The following D2HGDH variants were observed in gnomAD, a reference collection of about 807,000 sequenced individuals.
D2HGDH encodes D-2-hydroxyglutarate dehydrogenase.
D2HGDH carries 31 observed loss-of-function variants against 46.9 expected under a neutral mutation model. That is an observed-to-expected ratio of 0.66 (90% CI 0.50 to 0.89). The LOEUF is 0.89. Ranked by LOEUF, D2HGDH falls within the 40% of genes least tolerant of loss-of-function variation. The probability of loss-of-function intolerance (pLI) is 0.00; values close to 1 mark genes in which losing one functional copy is unlikely to be tolerated. For missense variants in D2HGDH, 698 were observed against 720.8 expected (o/e 0.97, Z 0.36); for synonymous variants, 364 against 332.6 (o/e 1.09, Z -1.03).
rs1699268723 is a variant in D2HGDH, at chr2:241,767,722, T to C, written c.1319T>C (p.Leu440Pro). ...CTTGTCCCTCCAGGAGATGGTAACC[T>C]GCACCTCAATGTGACGGCGGAGGCC... is the stretch of plus-strand genomic sequence containing the variant. ...VGYGHLGDGN[L>P]HLNVTAEAFS... Residue 440 changes from leucine (L) to proline (P), a missense_variant, in exon 10 of 10, where the codon CTG (leucine) becomes CCG (proline). Leu to Pro is a moderately conservative substitution (Grantham distance 98). Transcript: ENST00000321264. 6.2e-7 allele frequency: 1 copy of C among 1,612,688 alleles called. No homozygotes were observed. The highest frequency in any genetic ancestry group is 8.5e-7 in the Non-Finnish European group (1 of 1,179,542).
rs1695025750 is a variant in D2HGDH, at chr2:241,743,359, G to A, written c.491-263G>A. Among the ~76,000 whole-genome samples, 1 of 152,244 alleles carries A rather than the reference G, an allele frequency of 6.6e-6. No individual in the cohort carries two copies. Among genetic ancestry groups the A allele is most frequent in the Admixed American group, 6.5e-5 (1 of 15,294 alleles). ...TTCCCTCTTCTACTCCTTTCCACGA[G>A]TGTGTGTGGGGGTGGGAAGTTTTTT... On this transcript the variant is annotated intron_variant, in intron 4 of 9. Coordinates refer to ENST00000321264, the MANE Select transcript of D2HGDH (RefSeq NM_152783.5). This position sits in a 1 kb window ranked among gnomAD's most constrained non-coding sequence, Gnocchi z 4.8.
chr2:241,735,171 C>G lies in D2HGDH; in HGVS notation c.-54C>G, dbSNP rs540450225. 1.2e-5 allele frequency: 17 copies of G among 1,454,532 alleles called. No individual in the cohort carries two copies. The South Asian group carries it at 2.1e-4, about 18-fold the overall frequency. 90.1% of individuals were successfully genotyped at this position (1,454,532 alleles called of 1,614,324 possible). A position where few individuals can be genotyped will look rare whatever the true frequency, so the allele number is the denominator to read the frequency against. On this transcript the variant is annotated 5_prime_UTR_variant, in exon 2 of 10. Transcript: ENST00000321264. ...GGCTCCCTGCCCTTCCCCTCCGGGC[C>G]CTGAGTACCGGCCCCCCACCAAGGA...
intron 7 of D2HGDH, among the ~76,000 whole-genome samples, 176 bp from the exon 8 acceptor site, chr2:241,751,070 T>C (rs1419919328): frequency 6.6e-6 from 1 of 152,198 alleles, no homozygotes; most frequent in Non-Finnish European, 1.5e-5. Context: ...AGACGACTTT[T>C]TAAACCTTCT....
chr2:241,760,807 A>C (rs1347821784), intron 9 of D2HGDH, among the ~76,000 whole-genome samples: 2 of 152,284 alleles, frequency 1.3e-5, no homozygotes, highest in African/African-American at 2.4e-5. Flanking sequence ...TCCTGCTGGG[A>C]TCTCCAGCCT....
At chr2:241,747,577 A>AT (rs1696213951) in intron 6 of D2HGDH, among the ~76,000 whole-genome samples, 2 of 119,480 alleles carry the variant, frequency 1.7e-5, no homozygotes, top group Non-Finnish European at 3.5e-5. Context: ...ATTCTTCTGT[A>AT]TTTTTTTGAG....
Position 241,743,720 on chromosome 2 carries a change from A to G in D2HGDH, c.589A>G (p.Ser197Gly). Reference protein sequence around the residue: ...IMPLDLGAKGSCHIGGNVATN... With the variant: ...IMPLDLGAKGGCHIGGNVATN... ...GCCGCTGGACTTAGGAGCCAAGGGC[A>G]GCTGCCACATCGGGGGAAACGTGGC... The change falls in exon 5 of 10, where the codon AGC becomes GGC. Residue 197 changes from serine to glycine, a missense_variant. Physicochemically the swap from Ser to Gly is moderately conservative, Grantham distance 56. Coordinates refer to ENST00000321264, the MANE Select transcript of D2HGDH (RefSeq NM_152783.5). The surrounding 1 kb of genome is among the most constrained non-coding windows in gnomAD (Gnocchi z 4.8). The G allele has an allele frequency of 1.2e-6, 2 of 1,613,356 alleles. No homozygotes were observed. The highest frequency in any genetic ancestry group is 1.7e-6 in the Non-Finnish European group (2 of 1,179,884).
intron 9 of D2HGDH, among the ~76,000 whole-genome samples, chr2:241,762,437 T>C (rs1698914164): frequency 6.6e-6 from 1 of 152,212 alleles, no homozygotes; most frequent in South Asian, 2.1e-4. Flanking sequence ...TCACTCTGGT[T>C]TGGCCGGGAG....
In D2HGDH at chr2:241,751,275, T is replaced by G; in HGVS notation, c.1027T>G (p.Ser343Ala). Residue 343 changes from serine to alanine, a missense_variant, in exon 8 of 10, where the codon TCA (serine) becomes GCA (alanine). Transcript: ENST00000321264. ...TCCGTTTTACGTCCTCATCGAGACT[T>G]CAGGCTCCAACGCAGGCCATGACGC... ...ESPFYVLIETSGSNAGHDAEK... is the reference protein window; with the variant it reads ...ESPFYVLIETAGSNAGHDAEK... 6.2e-7 allele frequency: 1 copy of G among 1,614,016 alleles called. No homozygotes were observed. The highest frequency in any genetic ancestry group is 8.5e-7 in the Non-Finnish European group (1 of 1,180,036).
At chr2:241,764,912 G>A (rs780444069) in intron 9 of D2HGDH, among the ~76,000 whole-genome samples, 3 of 152,164 alleles carry the variant, frequency 2.0e-5, no homozygotes, top group Non-Finnish European at 4.4e-5. Context: ...CTGAGCCGTC[G>A]CCTTCTTGAC....
Position 241,743,732 on chromosome 2 carries a change from G to A in D2HGDH, c.601G>A (p.Gly201Arg), listed in dbSNP as rs772738615. Residue 201 changes from glycine to arginine, a missense_variant, in exon 5 of 10, where the codon GGG becomes AGG. Transcript: ENST00000321264. The surrounding 1 kb of genome is among the most constrained non-coding windows in gnomAD (Gnocchi z 4.8). Reference sequence around the variant, plus strand: ...AGGAGCCAAGGGCAGCTGCCACATCGGGGGAAACGTGGCAACCAACGCTGG... The same window carrying A: ...AGGAGCCAAGGGCAGCTGCCACATCAGGGGAAACGTGGCAACCAACGCTGG... ...DLGAKGSCHI[G>R]GNVATNAGGL... 12 of 1,613,358 alleles carry A rather than the reference G, an allele frequency of 7.4e-6. No individual in the cohort carries two copies. Among genetic ancestry groups the A allele is most frequent in the Admixed American group, 3.3e-5 (2 of 59,916 alleles).
At chr2:241,758,769 ATGTGTGTGTGTGTGTGTGTGTGTGTG>A (rs558559121) in intron 9 of D2HGDH, among the ~76,000 whole-genome samples, 2 of 131,896 alleles carry the variant, frequency 1.5e-5, no homozygotes, top group African/African-American at 5.8e-5. Context: ...CCCACAATAT[ATGTGTGTGTGTGTGTGTGTGTGTGTG>A]TGTGTGTGTG....
rs761738669 is a variant in D2HGDH at position 241,756,020 on chromosome 2, C to T, written c.1306+6C>T. The stretch of plus-strand genomic sequence containing the variant: ...GGTGGGCTATGGCCACCTTGGTGAG[C>T]GGCGCCCCGGGGCCGCGGCCCTGTG... On this transcript the variant is annotated splice_donor_region_variant and intron_variant, in intron 9 of 9. Transcript: ENST00000321264. 3.5e-5 allele frequency: 55 copies of T among 1,593,326 alleles called. No homozygotes were observed. The highest frequency in any genetic ancestry group is 1.7e-4 in the Middle Eastern group (1 of 5,998).
intron 2 of D2HGDH, among the ~76,000 whole-genome samples, 174 bp downstream of exon 2, chr2:241,735,690 C>T (rs1692580954): frequency 6.6e-6 from 1 of 152,248 alleles, no homozygotes; most frequent in African/African-American, 2.4e-5. Context: ...ACGAACGAGT[C>T]GCTTAGAACA....
intron 3 of D2HGDH, among the ~76,000 whole-genome samples, chr2:241,741,443 C>T (rs183513020): frequency 2.3e-4 from 35 of 152,210 alleles, no homozygotes; most frequent in Admixed American, 2.0e-3. Flanking sequence ...TGCACTTACT[C>T]TGTTAAACTC....
chr2:241,755,227 C>T, intron 8 of D2HGDH: 3 of 1,116,204 alleles, frequency 2.7e-6, no homozygotes, highest in Non-Finnish European at 3.6e-6. Context: ...CCCACCGTGT[C>T]CTTCCCTCCC....
At position 241,737,417 on chromosome 2, in the gene D2HGDH, A is replaced by G. The variant is rs191585697; in HGVS notation, c.292+1901A>G. ...ACTGCACTTCTGCCCAGTGGCATACAAGTCTGTGCACGAATGAGGGACTTC... is the reference window on the plus strand; with the variant it reads ...ACTGCACTTCTGCCCAGTGGCATACGAGTCTGTGCACGAATGAGGGACTTC... On this transcript the variant is annotated intron_variant, in intron 2 of 9. Coordinates refer to ENST00000321264, the MANE Select transcript of D2HGDH (RefSeq NM_152783.5). Among the ~76,000 whole-genome samples, 422 of 152,328 alleles carry G rather than the reference A, an allele frequency of 2.8e-3. 1 individual carries two copies. Among genetic ancestry groups the G allele is most frequent in the African/African-American group, 9.7e-3 (402 of 41,570 alleles).
chr2:241,735,620 A>C (rs1050168024), intron 2 of D2HGDH, 104 bp downstream of exon 2: 1 of 1,495,770 alleles, frequency 6.7e-7, no homozygotes, highest in African/African-American at 1.4e-5. Flanking sequence ...TGGGGGTGCC[A>C]GCCCCTGGCT....
chr2:241,747,484 A>G (rs1428745707), intron 6 of D2HGDH, among the ~76,000 whole-genome samples: 1 of 151,170 alleles, frequency 6.6e-6, no homozygotes, highest in East Asian at 1.9e-4. Flanking sequence ...TGAAACTCCC[A>G]GGTAGCAAGT....
chr2:241,741,355 A>T (rs1173939429), intron 3 of D2HGDH, among the ~76,000 whole-genome samples: 2 of 152,234 alleles, frequency 1.3e-5, no homozygotes, highest in Admixed American at 6.5e-5. Context: ...AACACACTAC[A>T]GGGTGGCACT....
Sources: gnomAD v4.1 joint callset for allele counts (sites outside exome capture counted in the v4.1 genomes callset) on GRCh38, gnomAD v4.1.1 for gene constraint, Gnocchi (gnomAD v3.1) non-coding constraint, MANE v1.5 for transcripts, NCBI Gene and HGNC (gene_info 2026-07-23, HGNC 2026-07-21) for gene names.